The following TMPRSS15 variants were observed in gnomAD, a reference collection of about 807,000 sequenced individuals.
The protein encoded by TMPRSS15 is enteropeptidase.
A neutral mutation model predicts 125.3 loss-of-function variants in TMPRSS15; 128 were observed. The observed-to-expected ratio is 1.02, with a 90% CI of 0.89 to 1.18. The LOEUF (loss-of-function observed/expected upper bound fraction) is 1.18, where lower values mean the gene tolerates loss of function less well. Ranked by LOEUF, TMPRSS15 falls within the 50% of genes most tolerant of loss-of-function variation. The pLI is 0.00. For synonymous variants in TMPRSS15, 446 were observed against 423.2 expected (o/e 1.05, Z -0.66); for missense variants, 1,283 against 1,212.7 (o/e 1.06, Z -0.86).
At chr21:18,296,335 A>T (rs183748317) in intron 19 of TMPRSS15, among the ~76,000 whole-genome samples, 1 of 152,286 alleles carries the variant, frequency 6.6e-6, no homozygotes, top group East Asian at 1.9e-4. Flanking sequence ...AATAAATAAT[A>T]AATGCATAAA....
intron 3 of TMPRSS15, among the ~76,000 whole-genome samples, chr21:18,389,888 G>A (rs1474531445): frequency 6.6e-6 from 1 of 152,080 alleles, no homozygotes; most frequent in Non-Finnish European, 1.5e-5. Context: ...CCTGAGATGT[G>A]AGACTAACCT....
chr21:18,357,523 T>G (rs919444292), intron 8 of TMPRSS15, among the ~76,000 whole-genome samples: 1 of 151,866 alleles, frequency 6.6e-6, no homozygotes, highest in African/African-American at 2.4e-5. Context: ...AGTAAAAAAT[T>G]TATATATTTC....
chr21:18,278,312 G>C (rs1191751348), intron 23 of TMPRSS15, among the ~76,000 whole-genome samples: 3 of 148,400 alleles, frequency 2.0e-5, no homozygotes, highest in African/African-American at 7.5e-5. Context: ...AAGTTTATCA[G>C]AGTGTTTATA....
At chr21:18,319,082 G>GA (rs1265116072) in intron 16 of TMPRSS15, among the ~76,000 whole-genome samples, 2 of 151,724 alleles carry the variant, frequency 1.3e-5, no homozygotes, top group East Asian at 1.9e-4. Context: ...CTAGTGATTT[G>GA]AAAAAAAGAA....
At chr21:18,281,563 C>G (rs778487231) in intron 21 of TMPRSS15, among the ~76,000 whole-genome samples, 4 of 152,100 alleles carry the variant, frequency 2.6e-5, no homozygotes, top group Non-Finnish European at 4.4e-5. Context: ...TTCTAATGTA[C>G]TGGGTCTGGA....
Position 18,387,641 on chromosome 21 carries a change from ACACACACACG to A in TMPRSS15, c.345-3873_345-3864del, listed in dbSNP as rs771554053. Among the ~76,000 whole-genome samples, 39 of 95,762 alleles carry A rather than the reference ACACACACACG, an allele frequency of 4.1e-4. 2 individuals carry two copies. Among genetic ancestry groups the A allele is most frequent in the Middle Eastern group, 5.0e-3 (1 of 200 alleles). The allele number at this position is 95,762 out of a possible 152,430, so 62.8% of individuals were successfully genotyped here. The stretch of plus-strand genomic sequence containing the variant: ...CACACACACACACACACACACACAC[ACACACACACG>A]CACACACACCCCAAAATCATACAAG... On this transcript the variant is annotated intron_variant, in intron 3 of 24. Transcript: ENST00000284885.
chr21:18,479,441 A>G lies in TMPRSS15; in HGVS notation c.10+6358T>C, dbSNP rs62213272. Among the ~76,000 whole-genome samples the G allele has an allele frequency of 1.3e-3, 199 of 152,100 alleles. 2 individuals carry two copies. Among genetic ancestry groups the G allele is most frequent in the Middle Eastern group, 3.4e-3 (1 of 294 alleles). On this transcript the variant is annotated intron_variant, in intron 1 of 7. Transcript: ENST00000422787. ...TTTGTTTACTACCTAACTGGGCATC[A>G]TAGTCAATAGGATAGTTCTGAGTCA... is the stretch of plus-strand genomic sequence containing the variant.
At chr21:18,280,306 G>A (rs2074676214) in intron 22 of TMPRSS15, among the ~76,000 whole-genome samples, 1 of 152,072 alleles carries the variant, frequency 6.6e-6, no homozygotes, top group South Asian at 2.1e-4. Flanking sequence ...GCCGGGCACG[G>A]TGGCTCACGC....
At chr21:18,386,895 C>G (rs991452022) in intron 3 of TMPRSS15, among the ~76,000 whole-genome samples, 2 of 152,142 alleles carry the variant, frequency 1.3e-5, no homozygotes, top group African/African-American at 4.8e-5. Context: ...AAAGAAAATA[C>G]AAATCTGGAA....
chr21:18,482,525 A>T (rs1979000852), intron 1 of TMPRSS15, among the ~76,000 whole-genome samples: 1 of 151,680 alleles, frequency 6.6e-6, no homozygotes, highest in Admixed American at 6.6e-5. Flanking sequence ...CTATGCATGT[A>T]ACAAAATACC....
At chr21:18,443,904 G>A (rs2076248922) in intron 1 of TMPRSS15, among the ~76,000 whole-genome samples, 1 of 152,150 alleles carries the variant, frequency 6.6e-6, no homozygotes, top group Non-Finnish European at 1.5e-5. Flanking sequence ...GGAAGCACCT[G>A]CACAGCAAAG....
intron 23 of TMPRSS15, among the ~76,000 whole-genome samples, chr21:18,275,888 T>A (rs1176148798): frequency 6.6e-6 from 1 of 152,094 alleles, no homozygotes; most frequent in Non-Finnish European, 1.5e-5. Flanking sequence ...AGGAGGCATT[T>A]AAAAAAATAA....
intron 1 of TMPRSS15, among the ~76,000 whole-genome samples, chr21:18,411,952 CT>C (rs1270484574): frequency 2.0e-5 from 3 of 152,122 alleles, no homozygotes; most frequent in Non-Finnish European, 4.4e-5. Flanking sequence ...GGAAAGATTG[CT>C]TTTTCCTCGT....
chr21:18,396,792 A>AAAATCTGTCTG (rs1408156983), intron 3 of TMPRSS15, among the ~76,000 whole-genome samples: 26 of 112,790 alleles, frequency 2.3e-4, no homozygotes, highest in East Asian at 3.8e-4. Context: ...AAAAAAAAAA[A>AAAATCTGTCTG]TCTGTCTGTC....
At chr21:18,427,502 A>T (rs572187983) in intron 1 of TMPRSS15, among the ~76,000 whole-genome samples, 5 of 152,184 alleles carry the variant, frequency 3.3e-5, no homozygotes, top group African/African-American at 1.2e-4. Context: ...TTTGTGAATA[A>T]AAAGCTATTT....
chr21:18,309,504 G>T (rs1412761235), intron 18 of TMPRSS15, among the ~76,000 whole-genome samples: 1 of 151,802 alleles, frequency 6.6e-6, no homozygotes, highest in East Asian at 1.9e-4. Flanking sequence ...TTGCAATCTA[G>T]CCATCTGACA....
At chr21:18,371,730 T>G (rs905802066) in intron 6 of TMPRSS15, among the ~76,000 whole-genome samples, 1 of 152,086 alleles carries the variant, frequency 6.6e-6, no homozygotes, top group African/African-American at 2.4e-5. Context: ...TGGTGCTCAG[T>G]GAGTTAGGTA....
intron 13 of TMPRSS15, 127 bp downstream of exon 13, chr21:18,341,286 G>T (rs2075443006): frequency 8.9e-7 from 1 of 1,128,314 alleles, no homozygotes; most frequent in Non-Finnish European, 1.3e-6. Context: ...CCTCAGGCTG[G>T]TCTCAAACTC....
At chr21:18,380,384 C>G (rs567203351) in intron 4 of TMPRSS15, among the ~76,000 whole-genome samples, 1 of 151,896 alleles carries the variant, frequency 6.6e-6, no homozygotes, top group Non-Finnish European at 1.5e-5. Context: ...TGTAATATTA[C>G]GAATTATGTT....
Sources: allele counts gnomAD v4.1 joint callset (sites outside exome capture counted in the v4.1 genomes callset), GRCh38; gene constraint gnomAD v4.1.1; transcripts MANE v1.5; gene names NCBI Gene and HGNC (gene_info 2026-07-23, HGNC 2026-07-21).